TNS3: variants seen among roughly 807,000 people sequenced by gnomAD.
The protein encoded by TNS3 is tensin 3.
A neutral mutation model predicts 140.9 loss-of-function variants in TNS3; 45 were observed. That is an observed-to-expected ratio of 0.32 (90% confidence interval 0.25 to 0.41). The LOEUF is 0.41. TNS3 is among the 10% of genes least tolerant of loss of function. The pLI, the probability that TNS3 is intolerant of heterozygous loss-of-function variation, is 1.00. For missense variants in TNS3, 1,716 were observed against 1,906.7 expected, an observed-to-expected ratio of 0.90 and a Z score of 1.86; for synonymous variants, 815 against 788.4, an observed-to-expected ratio of 1.03 and a Z score of -0.56.
chr7:47,319,390 A>T (rs1287354839), intron 20 of TNS3, among the ~76,000 whole-genome samples: 2 of 151,966 alleles, frequency 1.3e-5, no homozygotes, highest in Non-Finnish European at 2.9e-5. Flanking sequence ...AGAGAGAGAG[A>T]GTGAGAGAGT....
At chr7:47,509,732 C>A (rs1029077428) in intron 2 of TNS3, among the ~76,000 whole-genome samples, 1 of 152,142 alleles carries the variant, frequency 6.6e-6, no homozygotes, top group African/African-American at 2.4e-5. Flanking sequence ...CCTAACCCTG[C>A]CCATACCAAC....
intron 1 of TNS3, among the ~76,000 whole-genome samples, chr7:47,546,296 T>C (rs1053765607): frequency 1.3e-5 from 2 of 152,190 alleles, no homozygotes; most frequent in Non-Finnish European, 2.9e-5. Flanking sequence ...TCACGTGGCG[T>C]CCACGTCCGG....
At chr7:47,580,018 ATC>A in intron 1 of TNS3, 1 of 162,756 alleles carries the variant, frequency 6.1e-6, no homozygotes, top group Non-Finnish European at 1.2e-5. Context: ...AAAAAAAAAA[ATC>A]AATTTGCATT....
intron 10 of TNS3, among the ~76,000 whole-genome samples, chr7:47,417,352 C>T (rs987219615): frequency 3.3e-5 from 5 of 152,202 alleles, no homozygotes; most frequent in Non-Finnish European, 5.9e-5. Context: ...AGACGAAGCA[C>T]GAGAAGTATT....
chr7:47,389,091 AGGAAGAGGAAGCGGAAGC>A lies in TNS3; in HGVS notation c.1024+7691_1024+7708del, dbSNP rs1562675395. Among the ~76,000 whole-genome samples the A allele has an allele frequency of 9.7e-4, 73 of 75,060 alleles. 20 individuals are homozygous for A. Among genetic ancestry groups the A allele is most frequent in the African/African-American group, 3.8e-3 (62 of 16,316 alleles). The allele number at this position is 75,060 out of a possible 152,430, so 49.2% of individuals were successfully genotyped here. A position where few individuals can be genotyped will look rare whatever the true frequency, so the allele number is the denominator to read the frequency against. ...GAAGAAGAAGAAGAAGAAGAGGAAG[AGGAAGAGGAAGCGGAAGC>A]AGAAGAAGAAGAAGAAGAAGAAGAA... On this transcript the variant is annotated intron_variant, in intron 16 of 30. Coordinates refer to ENST00000311160, the MANE Select transcript of TNS3 (RefSeq NM_022748.12).
intron 17 of TNS3, 55 bp from the exon 18 acceptor site, chr7:47,346,411 C>G (rs535598240): frequency 6.3e-7 from 1 of 1,595,570 alleles, no homozygotes; most frequent in Non-Finnish European, 8.6e-7. Flanking sequence ...CGGAGTGAGG[C>G]GCCCCTTCCT....
intron 1 of TNS3, among the ~76,000 whole-genome samples, chr7:47,537,797 T>A (rs1799656598): frequency 6.6e-6 from 1 of 152,134 alleles, no homozygotes; most frequent in Non-Finnish European, 1.5e-5. Flanking sequence ...GCTTTTTTTC[T>A]AATTTGCTTC....
chr7:47,303,929 G>A (rs186492496), intron 21 of TNS3, among the ~76,000 whole-genome samples: 2 of 152,246 alleles, frequency 1.3e-5, no homozygotes, highest in African/African-American at 2.4e-5. Flanking sequence ...CCTTTAAGAC[G>A]CAGCTCAGCT....
At chr7:47,349,991 C>G (rs1191957493) in intron 17 of TNS3, among the ~76,000 whole-genome samples, 1 of 152,212 alleles carries the variant, frequency 6.6e-6, no homozygotes, top group East Asian at 1.9e-4. Context: ...TCCTACACCA[C>G]ACAGCATGTC....
chr7:47,392,963 C>G (rs919254896), intron 16 of TNS3, among the ~76,000 whole-genome samples: 1 of 152,208 alleles, frequency 6.6e-6, no homozygotes, highest in Non-Finnish European at 1.5e-5. Context: ...GGAAACCCTG[C>G]AGGAGTGCAG....
rs1340201271 is a variant in TNS3, at chr7:47,389,154, A to AAGAAGAAGAGGC, written c.1024+7645_1024+7646insGCCTCTTCTTCT. Among the ~76,000 whole-genome samples, 5 of 82,208 alleles carry AAGAAGAAGAGGC rather than the reference A, an allele frequency of 6.1e-5. 2 individuals are homozygous for AAGAAGAAGAGGC. Among genetic ancestry groups the AAGAAGAAGAGGC allele is most frequent in the African/African-American group, 2.1e-4 (5 of 23,664 alleles). The allele number at this position is 82,208 out of a possible 152,430, so 53.9% of individuals were successfully genotyped here. A position where few individuals can be genotyped will look rare whatever the true frequency, so the allele number is the denominator to read the frequency against. ...GAAGAAGAAGAAGAAGAAGAAGAAG[A>AAGAAGAAGAGGC]AGCAGAAGAAGCAGCAGAAGCAGAA... On this transcript the variant is annotated intron_variant, in intron 16 of 30. Transcript: ENST00000311160.
intron 21 of TNS3, among the ~76,000 whole-genome samples, chr7:47,304,046 A>G (rs1786595394): frequency 6.6e-6 from 1 of 152,208 alleles, no homozygotes; most frequent in Admixed American, 6.5e-5. Flanking sequence ...CCACAGCACT[A>G]GGCAGGGATG....
At chr7:47,409,614 G>C (rs1031072504) in intron 13 of TNS3, among the ~76,000 whole-genome samples, 3 of 152,088 alleles carry the variant, frequency 2.0e-5, no homozygotes, top group African/African-American at 7.3e-5. Flanking sequence ...GATGAGGGCG[G>C]GTGCAAATCC....
At chr7:47,386,299 C>T (rs1044477581) in intron 16 of TNS3, among the ~76,000 whole-genome samples, 9 of 152,208 alleles carry the variant, frequency 5.9e-5, no homozygotes, top group African/African-American at 1.9e-4. Context: ...GCAGGCGGAG[C>T]GCACACAGGA....
chr7:47,444,557 G>T (rs892436811), intron 4 of TNS3, among the ~76,000 whole-genome samples: 7 of 152,198 alleles, frequency 4.6e-5, no homozygotes, highest in Non-Finnish European at 8.8e-5. Flanking sequence ...CTCAGGCGGG[G>T]CCCTGACGGC....
At chr7:47,294,049 C>T (rs57198477) in intron 24 of TNS3, among the ~76,000 whole-genome samples, 5,805 of 152,218 alleles carry the variant, frequency 0.038, 356 homozygotes, top group African/African-American at 0.13. Context: ...AGATACAGGG[C>T]GGGAACCCTT....
intron 13 of TNS3, chr7:47,405,410 G>T: frequency 1.5e-6 from 1 of 669,430 alleles, no homozygotes; most frequent in South Asian, 1.7e-5. Flanking sequence ...CTCAGAGAAT[G>T]AGTTACAACC....
chr7:47,575,750 GA>G lies in TNS3; in HGVS notation c.-265+6300del, dbSNP rs1288248450. ...AGGCAGGAGAATGGCGTGAACCCGGGAGGCAGATCTTGCAGTAAGCTGAGAT... is the reference window on the plus strand; with the variant it reads ...AGGCAGGAGAATGGCGTGAACCCGGGGGCAGATCTTGCAGTAAGCTGAGAT... On this transcript the variant is annotated intron_variant, in intron 1 of 30. Coordinates refer to ENST00000311160, the MANE Select transcript of TNS3 (RefSeq NM_022748.12). Among the ~76,000 whole-genome samples the G allele has an allele frequency of 1.3e-4, 20 of 150,806 alleles. No individual in the cohort carries two copies. In the East Asian group the frequency reaches 3.9e-3, roughly 30 times the overall value.
At chr7:47,353,061 CT>C (rs1789779321) in intron 17 of TNS3, among the ~76,000 whole-genome samples, 1 of 152,194 alleles carries the variant, frequency 6.6e-6, no homozygotes, top group African/African-American at 2.4e-5. Flanking sequence ...GGTACGCTGC[CT>C]ACCAGGATCA....
Sources: gnomAD v4.1 joint callset for allele counts (sites outside exome capture counted in the v4.1 genomes callset) on GRCh38, gnomAD v4.1.1 for gene constraint, MANE v1.5 for transcripts, NCBI Gene and HGNC (gene_info 2026-07-23, HGNC 2026-07-21) for gene names.